Variants in CADM1 observed in about 807,000 individuals in gnomAD.
CADM1 encodes the protein cell adhesion molecule 1.
In CADM1, 15 loss-of-function variants were observed where a neutral mutation model predicts 53.1. The ratio of observed to expected loss-of-function variants is 0.28; its 90% CI spans 0.19 to 0.44. The LOEUF (loss-of-function observed/expected upper bound fraction) is 0.44, where lower values mean the gene tolerates loss of function less well. CADM1 is among the 20% of genes least tolerant of loss of function. The pLI, the probability that CADM1 is intolerant of heterozygous loss-of-function variation, is 1.00. For synonymous variants in CADM1, 281 were observed against 243.0 expected, an observed-to-expected ratio of 1.16 and a Z score of -1.45; for missense variants, 434 against 611.3, an observed-to-expected ratio of 0.71 and a Z score of 3.06.
At chr11:115,398,437 C>G (rs1947058024) in intron 1 of CADM1, among the ~76,000 whole-genome samples, 3 of 152,132 alleles carry the variant, frequency 2.0e-5, no homozygotes, top group Admixed American at 2.0e-4. Flanking sequence ...GAATCTCCCC[C>G]TGACTTTTCT....
chr11:115,484,766 T>G (rs1437095411), intron 1 of CADM1, among the ~76,000 whole-genome samples: 1 of 151,770 alleles, frequency 6.6e-6, no homozygotes, highest in Non-Finnish European at 1.5e-5. Context: ...GCTAACACGG[T>G]GAAACCCCAT....
chr11:115,325,227 A>C (rs1188266261), intron 1 of CADM1, among the ~76,000 whole-genome samples: 2 of 152,174 alleles, frequency 1.3e-5, no homozygotes, highest in East Asian at 1.9e-4. Flanking sequence ...TCACACCTCT[A>C]TATGCTCCCG....
At chr11:115,318,137 C>A (rs958920974) in intron 1 of CADM1, among the ~76,000 whole-genome samples, 3 of 152,088 alleles carry the variant, frequency 2.0e-5, no homozygotes, top group Admixed American at 6.6e-5. Context: ...AATAATGAGT[C>A]TCTATATCTA....
chr11:115,284,041 G>T (rs1156951841), intron 1 of CADM1, among the ~76,000 whole-genome samples: 1 of 150,896 alleles, frequency 6.6e-6, no homozygotes, highest in Non-Finnish European at 1.5e-5. Flanking sequence ...GGCGTTCCAG[G>T]CAGGGGGGCC....
chr11:115,503,960 C>G (rs912484771), intron 1 of CADM1, among the ~76,000 whole-genome samples: 3 of 152,028 alleles, frequency 2.0e-5, no homozygotes, highest in Non-Finnish European at 4.4e-5. Context: ...CATCCCCTTC[C>G]CCCATGCTTT....
rs1399686162 is a variant in CADM1 at position 115,169,686 on chromosome 11, A to G, written c.*6788T>C. 1 of 455,180 alleles carries G rather than the reference A, an allele frequency of 2.2e-6. No homozygotes were observed. Among genetic ancestry groups the G allele is most frequent in the Non-Finnish European group, 4.4e-6 (1 of 226,372 alleles). 28.2% of individuals were successfully genotyped at this position (455,180 alleles called of 1,614,324 possible). On this transcript the variant is annotated 3_prime_UTR_variant, in exon 12 of 12. Coordinates refer to ENST00000331581, the MANE Select transcript of CADM1 (RefSeq NM_001301043.2). Reference sequence around the variant, plus strand: ...ATGGATAGTAATTTCGTCACTAGCTAACAGAGACTGATTAGTGCAGAAGAT... The same window carrying G: ...ATGGATAGTAATTTCGTCACTAGCTGACAGAGACTGATTAGTGCAGAAGAT...
At chr11:115,316,626 G>T (rs1944674392) in intron 1 of CADM1, among the ~76,000 whole-genome samples, 1 of 152,116 alleles carries the variant, frequency 6.6e-6, no homozygotes, top group Admixed American at 6.6e-5. Context: ...ACCGTGAATA[G>T]TCATTTTGAG....
chr11:115,243,164 A>G (rs1450072035), intron 1 of CADM1, among the ~76,000 whole-genome samples: 5 of 152,152 alleles, frequency 3.3e-5, no homozygotes, highest in Admixed American at 1.3e-4. Context: ...ATTCAGGTAA[A>G]ATTTTTCCAT....
chr11:115,387,859 C>T (rs1450706358), intron 1 of CADM1, among the ~76,000 whole-genome samples: 1 of 151,748 alleles, frequency 6.6e-6, no homozygotes, highest in Non-Finnish European at 1.5e-5. Flanking sequence ...GTAAGCAGCA[C>T]ACCTAGCACC....
At position 115,486,481 on chromosome 11, in the gene CADM1, G is replaced by T. The variant is rs192480754; in HGVS notation, c.124+17790C>A. On this transcript the variant is annotated intron_variant, in intron 1 of 11. Coordinates refer to ENST00000331581, the MANE Select transcript of CADM1 (RefSeq NM_001301043.2). ...TCCTCCCACCTCAGCCTCCCAAGTA[G>T]CTAGGACTACAGTTGTACACCACCG... Among the ~76,000 whole-genome samples, 542 of 152,138 alleles carry T rather than the reference G, an allele frequency of 3.6e-3. 6 individuals carry two copies. The highest frequency in any genetic ancestry group is 8.8e-3 in the Admixed American group (134 of 15,290).
intron 1 of CADM1, among the ~76,000 whole-genome samples, chr11:115,362,694 A>G (rs191337330): frequency 4.3e-4 from 65 of 152,240 alleles, no homozygotes; most frequent in African/African-American, 1.4e-3. Context: ...CTATTTAACA[A>G]TGGATGATTA....
At chr11:115,461,939 G>A (rs1040793819) in intron 1 of CADM1, among the ~76,000 whole-genome samples, 7 of 152,070 alleles carry the variant, frequency 4.6e-5, no homozygotes, top group African/African-American at 9.7e-5. Flanking sequence ...AGTTGTGAGA[G>A]GGAATAAGAT....
intron 3 of CADM1, among the ~76,000 whole-genome samples, chr11:115,232,932 A>C (rs774853828): frequency 6.6e-6 from 1 of 152,244 alleles, no homozygotes; most frequent in Non-Finnish European, 1.5e-5. Flanking sequence ...CAAGTTGAAT[A>C]ATAAATCTCT....
chr11:115,240,504 G>T, intron 1 of CADM1, 84 bp from the exon 2 acceptor site: 1 of 1,418,156 alleles, frequency 7.1e-7, no homozygotes, highest in Non-Finnish European at 9.9e-7. Flanking sequence ...TGGGAACTAG[G>T]CATATTAGAA....
At chr11:115,407,513 A>G (rs1049427558) in intron 1 of CADM1, among the ~76,000 whole-genome samples, 1 of 152,178 alleles carries the variant, frequency 6.6e-6, no homozygotes, top group Non-Finnish European at 1.5e-5. Context: ...CAACAATCTG[A>G]TATTCCACAT....
At chr11:115,324,212 C>G (rs1388491400) in intron 1 of CADM1, among the ~76,000 whole-genome samples, 1 of 152,168 alleles carries the variant, frequency 6.6e-6, no homozygotes, top group African/African-American at 2.4e-5. Flanking sequence ...CTTCAACACC[C>G]TTAATGTACC....
chr11:115,192,240 G>A (rs751644968), intron 9 of CADM1, among the ~76,000 whole-genome samples: 2 of 152,194 alleles, frequency 1.3e-5, no homozygotes, highest in African/African-American at 2.4e-5. Context: ...GTGAAAGACG[G>A]CTGTCACACC....
chr11:115,471,893 T>A (rs1455313883), intron 1 of CADM1, among the ~76,000 whole-genome samples: 1 of 152,120 alleles, frequency 6.6e-6, no homozygotes, highest in Admixed American at 6.6e-5. Flanking sequence ...GGGTTGGGCA[T>A]GCAAAGAGTT....
intron 1 of CADM1, among the ~76,000 whole-genome samples, chr11:115,416,635 G>A (rs1161419555): frequency 6.6e-6 from 1 of 151,476 alleles, no homozygotes; most frequent in East Asian, 1.9e-4. Flanking sequence ...CTAACTTGTT[G>A]AGTTTACCAT....
Sources: gnomAD v4.1 joint callset for allele counts (sites outside exome capture counted in the v4.1 genomes callset) on GRCh38, gnomAD v4.1.1 for gene constraint, MANE v1.5 for transcripts, NCBI Gene and HGNC (gene_info 2026-07-23, HGNC 2026-07-21) for gene names.